The following ZNF575 variants were observed in gnomAD, a reference collection of about 807,000 sequenced individuals.
The protein encoded by ZNF575 is zinc finger protein 575.
Under a neutral mutation model 17.5 loss-of-function variants are expected in ZNF575, and 17 were observed. The ratio of observed to expected loss-of-function variants is 0.97; its 90% CI spans 0.66 to 1.45. The LOEUF (loss-of-function observed/expected upper bound fraction) is 1.45, where lower values mean the gene tolerates loss of function less well. Ranked by LOEUF, ZNF575 falls within the 40% of genes most tolerant of loss-of-function variation. The pLI, the probability that ZNF575 is intolerant of heterozygous loss-of-function variation, is 0.00. For synonymous variants in ZNF575, 146 were observed against 158.3 expected (o/e 0.92, Z 0.58); for missense variants, 352 against 359.2 (o/e 0.98, Z 0.16).
chr19:43,531,751 T>C (rs188863972), upstream of ZNF575: 10 of 590,744 alleles, frequency 1.7e-5, no homozygotes, highest in Admixed American at 2.8e-5. Flanking sequence ...GGGGGGTAAA[T>C]CAAACAATAC....
Position 43,535,343 on chromosome 19 carries a change from T to G in ZNF575, c.394T>G (p.Ser132Ala), listed in dbSNP as rs1228718588. The change falls in exon 4 of 4, where the codon TCC (serine) becomes GCC (alanine). Residue 132 changes from serine to alanine, a missense_variant. Physicochemically the swap from Ser to Ala is moderately conservative, Grantham distance 99 (BLOSUM62 1). Transcript: ENST00000314228. ...PHCPKSFGHR[S>A]KLAAHLWTHA... ...CTGCCCGAAGTCCTTTGGCCACCGC[T>G]CCAAGCTGGCGGCTCACCTCTGGAC... is the stretch of plus-strand genomic sequence containing the variant. 1.9e-6 allele frequency: 3 copies of G among 1,592,172 alleles called. No homozygotes were observed. The highest frequency in any genetic ancestry group is 2.7e-5 in the African/African-American group (2 of 73,874).
Position 43,535,559 on chromosome 19 carries a change from G to A in ZNF575, c.610G>A (p.Ala204Thr), listed in dbSNP as rs201779746. Residue 204 changes from alanine (A) to threonine (T), a missense_variant, in exon 4 of 4, where the codon GCG becomes ACG. Physicochemically the swap from Ala to Thr is moderately conservative, Grantham distance 58. Coordinates refer to ENST00000314228, the MANE Select transcript of ZNF575 (RefSeq NM_174945.3). ...AHRLCHDPPT[A>T]PGSQATAWHR... is the part of the protein sequence containing the mutation. ...TCGCCTATGTCACGACCCCCCAACC[G>A]CGCCCGGCAGCCAGGCGACTGCCTG... The A allele has an allele frequency of 3.1e-6, 5 of 1,613,778 alleles. No individual in the cohort carries two copies. Among genetic ancestry groups the A allele is most frequent in the Admixed American group, 1.7e-5 (1 of 60,004 alleles).
Position 43,535,400 on chromosome 19 carries a change from G to A in ZNF575, c.451G>A (p.Asp151Asn), listed in dbSNP as rs1365189071. 5 of 455,782 alleles carry A rather than the reference G, an allele frequency of 1.1e-5. No homozygotes were observed. Among genetic ancestry groups the A allele is most frequent in the African/African-American group, 6.5e-5 (2 of 30,864 alleles). 28.2% of individuals were successfully genotyped at this position (455,782 alleles called of 1,614,324 possible). A position where few individuals can be genotyped will look rare whatever the true frequency, so the allele number is the denominator to read the frequency against. The change falls in exon 4 of 4, where the codon GAC becomes AAC. Residue 151 changes from aspartate to asparagine, a missense_variant. Coordinates refer to ENST00000314228, the MANE Select transcript of ZNF575 (RefSeq NM_174945.3). ...HAPTRPYPCPDCPKSFCYPSK... is the reference protein window; with the variant it reads ...HAPTRPYPCPNCPKSFCYPSK... The stretch of plus-strand genomic sequence containing the variant: ...ACCCACCCGCCCCTACCCGTGCCCC[G>A]ACTGCCCCAAGTCCTTCTGCTACCC...
At chr19:43,531,942 CTT>C (rs869122064), upstream of ZNF575, 7,426 of 106,200 alleles carry the variant, frequency 0.07, 6 homozygotes, top group East Asian at 0.14. Flanking sequence ...TTAAGCCAGA[CTT>C]TTTTTTTTTT....
chr19:43,532,175 T>C (rs1391367655), upstream of ZNF575, among the ~76,000 whole-genome samples: 4 of 134,564 alleles, frequency 3.0e-5, no homozygotes, highest in East Asian at 7.8e-4. Context: ...ATTACAAGCG[T>C]GTGCCACCAT....
chr19:43,535,553 C>G lies in ZNF575; in HGVS notation c.604C>G (p.Pro202Ala). The change falls in exon 4 of 4, where the codon CCA becomes GCA. Residue 202 changes from proline (P) to alanine (A), a missense_variant. Pro to Ala is a conservative substitution (Grantham distance 27, BLOSUM62 -1). Coordinates refer to ENST00000314228, the MANE Select transcript of ZNF575 (RefSeq NM_174945.3). Reference sequence around the variant, plus strand: ...CGCCCATCGCCTATGTCACGACCCCCCAACCGCGCCCGGCAGCCAGGCGAC... The same window carrying G: ...CGCCCATCGCCTATGTCACGACCCCGCAACCGCGCCCGGCAGCCAGGCGAC... ...LAAHRLCHDP[P>A]TAPGSQATAW... 1.2e-6 allele frequency: 2 copies of G among 1,613,952 alleles called. No homozygotes were observed. Among genetic ancestry groups the G allele is most frequent in the Non-Finnish European group, 8.5e-7 (1 of 1,179,966 alleles).
At position 43,534,382 on chromosome 19, in the gene ZNF575, C is replaced by A; in HGVS notation, c.-41C>A. The stretch of plus-strand genomic sequence containing the variant: ...TCAGCCTGGTCATCACCGGCGTCAC[C>A]CCCGCCCCGCGCCCTGCCCCTAGGT... On this transcript the variant is annotated 5_prime_UTR_variant, in exon 3 of 4. Transcript: ENST00000314228. The A allele has an allele frequency of 6.5e-7, 1 of 1,537,940 alleles. No individual in the cohort carries two copies. Among genetic ancestry groups the A allele is most frequent in the Non-Finnish European group, 8.8e-7 (1 of 1,140,354 alleles).
At position 43,535,659 on chromosome 19, in the gene ZNF575, A is replaced by G; in HGVS notation, c.710A>G (p.Gln237Arg). 2 of 1,612,404 alleles carry G rather than the reference A, an allele frequency of 1.2e-6. No individual in the cohort carries two copies. The highest frequency in any genetic ancestry group is 1.7e-6 in the Non-Finnish European group (2 of 1,179,512). Residue 237 changes from glutamine (Q) to arginine (R), a missense_variant, in exon 4 of 4, where the codon CAG becomes CGG. By Grantham distance (43) the Gln-to-Arg change is conservative. Transcript: ENST00000314228. ...CTCCTTCATCAACGCAGCCACCACC[A>G]GGTGGAGCACAAGGGGGAGAGAGAC... ...LLLLHQRSHH[Q>R]VEHKGERD
Position 43,535,537 on chromosome 19 carries a change from C to T in ZNF575, c.588C>T (p.Arg196=). The change falls in exon 4 of 4, where the codon CGC becomes CGT. Residue 196 remains arginine (R), a synonymous_variant. Transcript: ENST00000314228. ...FSFPSKLAAH[R]LCHDPPTAPG... is the part of the protein sequence containing the mutation. The stretch of plus-strand genomic sequence containing the variant: ...TTCCCTCCAAGCTGGCCGCCCATCG[C>T]CTATGTCACGACCCCCCAACCGCGC... 6.2e-7 allele frequency: 1 copy of T among 1,613,996 alleles called. No individual in the cohort carries two copies. The highest frequency in any genetic ancestry group is 8.5e-7 in the Non-Finnish European group (1 of 1,179,958).
rs543879897 is a variant in ZNF575, at chr19:43,535,702, C to G, written c.*15C>G. The G allele has an allele frequency of 2.8e-5, 44 of 1,582,780 alleles. No individual in the cohort carries two copies. In the South Asian group the frequency reaches 4.6e-4, roughly 17 times the overall value. On this transcript the variant is annotated 3_prime_UTR_variant, in exon 4 of 4. Transcript: ENST00000314228. ...AGAGAGACTGAGCCCTCCCTTGGCTCACTGTCCCCTTCTGCCGCCAGCCCT... is the reference window on the plus strand; with the variant it reads ...AGAGAGACTGAGCCCTCCCTTGGCTGACTGTCCCCTTCTGCCGCCAGCCCT...
upstream of ZNF575, chr19:43,531,922 C>G: frequency 2.6e-6 from 1 of 390,568 alleles, no homozygotes; most frequent in Non-Finnish European, 4.8e-6. Flanking sequence ...GCTGGGACTA[C>G]AGGCTGCCAT....
upstream of ZNF575, among the ~76,000 whole-genome samples, chr19:43,531,561 GA>G (rs889555204): frequency 6.6e-6 from 1 of 151,592 alleles, no homozygotes; most frequent in Non-Finnish European, 1.5e-5. Flanking sequence ...CAGCCTGGGG[GA>G]CACAGCGAGA....
At chr19:43,534,208 C>G (rs1053067393) in intron 2 of ZNF575, 129 bp from the exon 3 acceptor site, 13 of 539,972 alleles carry the variant, frequency 2.4e-5, no homozygotes, top group Non-Finnish European at 3.9e-5. Flanking sequence ...GAAGGGACTG[C>G]CTCTGGCTTG....
rs749076236 is a variant in ZNF575, at chr19:43,535,548, A to AC, written c.605dup (p.Thr203AsnfsTer66). On this transcript the variant is annotated frameshift_variant, in exon 4 of 4. Transcript: ENST00000314228. LOFTEE classifies it high-confidence loss of function. ...CTGGCCGCCCATCGCCTATGTCACG[A>AC]CCCCCCAACCGCGCCCGGCAGCCAG... is the stretch of plus-strand genomic sequence containing the variant. The AC allele has an allele frequency of 1.1e-5, 18 of 1,612,718 alleles. No homozygotes were observed. Among genetic ancestry groups the AC allele is most frequent in the South Asian group, 6.6e-5 (6 of 90,996 alleles).
At chr19:43,534,115 C>A (rs1972380326) in intron 2 of ZNF575, 3 of 453,274 alleles carry the variant, frequency 6.6e-6, no homozygotes, top group Non-Finnish European at 1.2e-5. Flanking sequence ...GCCCCGCCGG[C>A]TCCGCGCTTA....
Position 43,534,642 on chromosome 19 carries a change from G to A in ZNF575, c.79+141G>A, listed in dbSNP as rs970225008. The A allele has an allele frequency of 1.9e-5, 16 of 837,338 alleles. No individual in the cohort carries two copies. In the Admixed American group the frequency reaches 3.8e-4, roughly 20 times the overall value. 51.9% of individuals were successfully genotyped at this position (837,338 alleles called of 1,614,324 possible). On this transcript the variant is annotated intron_variant, in intron 3 of 3. Coordinates refer to ENST00000314228, the MANE Select transcript of ZNF575 (RefSeq NM_174945.3). ...GGGATCCCCAAAACTGCCACATTCTGGGAAATCCTCCCATTTGGCTCAGAG... is the reference window on the plus strand; with the variant it reads ...GGGATCCCCAAAACTGCCACATTCTAGGAAATCCTCCCATTTGGCTCAGAG...
chr19:43,532,793 C>T (rs1224984318), upstream of ZNF575, among the ~76,000 whole-genome samples: 2 of 152,222 alleles, frequency 1.3e-5, no homozygotes, highest in Admixed American at 1.3e-4. Context: ...CAGGGCACCT[C>T]GGGACCACCC....
intron 3 of ZNF575, 70 bp downstream of exon 3, chr19:43,534,571 G>A (rs1327904300): frequency 2.0e-5 from 27 of 1,347,272 alleles, no homozygotes; most frequent in Admixed American, 1.1e-4. Context: ...ACATTCTGGG[G>A]GAATCTCAGG....
Position 43,535,768 on chromosome 19 carries a change from C to A in ZNF575, c.*81C>A, listed in dbSNP as rs946256223. The A allele has an allele frequency of 1.7e-5, 25 of 1,437,804 alleles. No homozygotes were observed. The highest frequency in any genetic ancestry group is 9.2e-6 in the Non-Finnish European group (10 of 1,082,272). The allele number at this position is 1,437,804 out of a possible 1,614,324, so 89.1% of individuals were successfully genotyped here. A position where few individuals can be genotyped will look rare whatever the true frequency, so the allele number is the denominator to read the frequency against. On this transcript the variant is annotated 3_prime_UTR_variant, in exon 4 of 4. Transcript: ENST00000314228. ...GGATTTCTAAGACCGACTGTATGAG[C>A]TCGCCTCTTCCAGATAGCTGGCAGA... is the stretch of plus-strand genomic sequence containing the variant.
Sources: allele counts gnomAD v4.1 joint callset (sites outside exome capture counted in the v4.1 genomes callset), GRCh38; gene constraint gnomAD v4.1.1; transcripts MANE v1.5; gene names NCBI Gene and HGNC (gene_info 2026-07-23, HGNC 2026-07-21).